Variants in TUSC3 observed in about 807,000 individuals in gnomAD.
The protein encoded by TUSC3 is tumor suppressor candidate 3.
In TUSC3, 45 loss-of-function variants were observed where a neutral mutation model predicts 44.8. The observed-to-expected ratio is 1.00, with a 90% CI of 0.79 to 1.29. The LOEUF (loss-of-function observed/expected upper bound fraction) is 1.29, where lower values mean the gene tolerates loss of function less well. Among genes scored for constraint, TUSC3 ranks in the 50% most tolerant of loss-of-function variants. The probability of loss-of-function intolerance (pLI) is 0.00; values close to 1 mark genes in which losing one functional copy is unlikely to be tolerated. For missense variants in TUSC3, 519 were observed against 437.9 expected (o/e 1.19, Z -1.65); for synonymous variants, 212 against 152.9 (o/e 1.39, Z -2.85).
intron 4 of TUSC3, 113 bp downstream of exon 4, chr8:15,659,760 G>T (rs2129179151): frequency 1.4e-6 from 2 of 1,413,170 alleles, no homozygotes; most frequent in Non-Finnish European, 2.0e-6. Flanking sequence ...GTTTCTCCTT[G>T]CATAGAGAAA....
intron 6 of TUSC3, among the ~76,000 whole-genome samples, chr8:15,701,021 G>C (rs775768882): frequency 3.3e-5 from 5 of 151,616 alleles, no homozygotes; most frequent in Non-Finnish European, 7.4e-5. Context: ...TGTTTTATAT[G>C]TGATGTCCAG....
chr8:15,806,692 G>T, the TUSC3 span: 1 of 932,832 alleles, frequency 1.1e-6, no homozygotes, highest in Non-Finnish European at 1.7e-6. Flanking sequence ...GGATACATTT[G>T]TAATCAAAAT....
At chr8:15,778,222 A>T in the TUSC3 span, among the ~76,000 whole-genome samples, 1 of 152,130 alleles carries the variant, frequency 6.6e-6, no homozygotes, top group Non-Finnish European at 1.5e-5. Flanking sequence ...TTCCATAAAG[A>T]CCTGATTTAC....
intron 6 of TUSC3, among the ~76,000 whole-genome samples, chr8:15,695,373 C>T (rs1809116679): frequency 6.6e-6 from 1 of 152,164 alleles, no homozygotes; most frequent in African/African-American, 2.4e-5. Context: ...TGCCACCATC[C>T]ATGTAAAACA....
chr8:15,609,020 G>C (rs1179342188), intron 1 of TUSC3, among the ~76,000 whole-genome samples: 1 of 152,130 alleles, frequency 6.6e-6, no homozygotes, highest in Non-Finnish European at 1.5e-5. Flanking sequence ...ATTTTTTAAA[G>C]TACATTTAAA....
intron 1 of TUSC3, among the ~76,000 whole-genome samples, chr8:15,456,142 T>C (rs1323588712): frequency 6.6e-6 from 1 of 152,176 alleles, no homozygotes; most frequent in Non-Finnish European, 1.5e-5. Context: ...CTCACTCCTT[T>C]CCTCACACTA....
chr8:15,474,782 G>A (rs1228656865), intron 1 of TUSC3, among the ~76,000 whole-genome samples: 1 of 152,140 alleles, frequency 6.6e-6, no homozygotes, highest in Admixed American at 6.6e-5. Context: ...AATATTGAAA[G>A]TTTAGAAGTT....
intron 3 of TUSC3, among the ~76,000 whole-genome samples, chr8:15,657,906 C>T (rs1017548331): frequency 5.3e-5 from 8 of 152,100 alleles, no homozygotes; most frequent in East Asian, 3.9e-4. Flanking sequence ...ATTTACCTGC[C>T]GGCGTCTTGC....
chr8:15,508,689 C>G (rs940676001), intron 2 of TUSC3, among the ~76,000 whole-genome samples: 5 of 152,070 alleles, frequency 3.3e-5, no homozygotes, highest in Non-Finnish European at 1.5e-5. Flanking sequence ...TCTCAGTCTC[C>G]TGACCTTGTG....
At position 15,761,026 on chromosome 8, in the gene TUSC3, C is replaced by T. The variant is rs191434142; in HGVS notation, c.*46+3171C>T. Among the ~76,000 whole-genome samples, 9 of 152,282 alleles carry T rather than the reference C, an allele frequency of 5.9e-5. No individual in the cohort carries two copies. In the East Asian group the frequency reaches 1.7e-3, roughly 29 times the overall value. Reference sequence around the variant, plus strand: ...AAAGAAATGTAAGGGCCATGACTTTCAGTCATTTCATTTTCTGCAACATGC... The same window carrying T: ...AAAGAAATGTAAGGGCCATGACTTTTAGTCATTTCATTTTCTGCAACATGC... On this transcript the variant is annotated intron_variant, in intron 10 of 10. Coordinates refer to ENST00000503731, the MANE Select transcript of TUSC3 (RefSeq NM_006765.4).
intron 6 of TUSC3, among the ~76,000 whole-genome samples, chr8:15,730,048 C>T (rs954395771): frequency 2.6e-5 from 4 of 151,774 alleles, no homozygotes; most frequent in Admixed American, 6.6e-5. Context: ...CACTGATATT[C>T]GTAAGAGAGA....
chr8:15,467,979 T>C (rs907457908), intron 1 of TUSC3, among the ~76,000 whole-genome samples: 5 of 152,166 alleles, frequency 3.3e-5, no homozygotes, highest in Admixed American at 3.3e-4. Context: ...GGCAAGATGG[T>C]AGTGTCAGCA....
chr8:15,686,275 G>A lies in TUSC3; in HGVS notation c.798+12439G>A, dbSNP rs535868990. On this transcript the variant is annotated intron_variant, in intron 6 of 10. Coordinates refer to ENST00000503731, the MANE Select transcript of TUSC3 (RefSeq NM_006765.4). Reference sequence around the variant, plus strand: ...TTAATGAAATAAAGCTTATGCGTAGGCTGTAACTCCCACCGTGAACAAATG... The same window carrying A: ...TTAATGAAATAAAGCTTATGCGTAGACTGTAACTCCCACCGTGAACAAATG... 7.2e-5 allele frequency among the ~76,000 whole-genome samples: 11 copies of A among 151,962 alleles called. No homozygotes were observed. The East Asian group carries it at 2.1e-3, about 29-fold the overall frequency.
chr8:15,592,943 T>G (rs1230399725), intron 1 of TUSC3, among the ~76,000 whole-genome samples: 1 of 152,148 alleles, frequency 6.6e-6, no homozygotes, highest in Non-Finnish European at 1.5e-5. Context: ...CTTGAGCCCA[T>G]GCACTTCAAA....
the TUSC3 span, chr8:15,806,328 T>A: frequency 1.4e-6 from 1 of 718,094 alleles, no homozygotes; most frequent in East Asian, 2.8e-5. Context: ...ACCTTCCCCC[T>A]GCTTCTTTAT....
At chr8:15,759,148 T>G (rs1407960517) in intron 10 of TUSC3, among the ~76,000 whole-genome samples, 2 of 152,158 alleles carry the variant, frequency 1.3e-5, no homozygotes, top group African/African-American at 2.4e-5. Context: ...TGGGCCGGAA[T>G]GAAAATTCAA....
chr8:15,457,085 C>T (rs560735187), intron 1 of TUSC3, among the ~76,000 whole-genome samples: 38 of 147,462 alleles, frequency 2.6e-4, no homozygotes, highest in African/African-American at 8.7e-4. Flanking sequence ...CCAAACACTG[C>T]GTGTTCTCAC....
intron 2 of TUSC3, among the ~76,000 whole-genome samples, chr8:15,648,676 A>C: frequency 7.7e-6 from 1 of 129,504 alleles, no homozygotes; most frequent in African/African-American, 2.8e-5. Flanking sequence ...CAGTGAGCCG[A>C]GATCGCGCCG....
chr8:15,466,788 G>C (rs919804704), intron 1 of TUSC3, among the ~76,000 whole-genome samples: 1 of 151,952 alleles, frequency 6.6e-6, no homozygotes, highest in African/African-American at 2.4e-5. Flanking sequence ...TTCTTTTTCT[G>C]ATTTTCCTCC....
Sources: gnomAD v4.1 joint callset for allele counts (sites outside exome capture counted in the v4.1 genomes callset) on GRCh38, gnomAD v4.1.1 for gene constraint, MANE v1.5 for transcripts, NCBI Gene and HGNC (gene_info 2026-07-23, HGNC 2026-07-21) for gene names.